The following LRRTM4 variants were observed in gnomAD, a reference collection of about 807,000 sequenced individuals.
LRRTM4 encodes the protein leucine rich repeat transmembrane neuronal 4.
In LRRTM4, 25 loss-of-function variants were observed where a neutral mutation model predicts 47.6. The observed-to-expected ratio is 0.53, with a 90% confidence interval of 0.38 to 0.73. The LOEUF is 0.73. LRRTM4 is among the 30% of genes least tolerant of loss of function. The pLI is 0.00. For synonymous variants in LRRTM4, 311 were observed against 269.5 expected (o/e 1.15, Z -1.51); for missense variants, 638 against 713.4 (o/e 0.89, Z 1.20).
At chr2:77,024,307 G>T (rs1235966456) in intron 3 of LRRTM4, among the ~76,000 whole-genome samples, 1 of 152,088 alleles carries the variant, frequency 6.6e-6, no homozygotes, top group African/African-American at 2.4e-5. Flanking sequence ...TGACTTTTTA[G>T]ATTCCACATG....
At chr2:77,522,021 G>T in intron 1 of LRRTM4, 88 bp downstream of exon 1, 1 of 701,536 alleles carries the variant, frequency 1.4e-6, no homozygotes, top group Non-Finnish European at 2.6e-6. Context: ...GCAGTAATTG[G>T]CAATCTGTGC....
chr2:76,900,303 G>T (rs1673579208), intron 3 of LRRTM4, among the ~76,000 whole-genome samples: 3 of 151,028 alleles, frequency 2.0e-5, no homozygotes, highest in South Asian at 2.1e-4. Context: ...ATAGAGTGTG[G>T]GATACTGATA....
intron 3 of LRRTM4, among the ~76,000 whole-genome samples, chr2:76,769,361 A>C (rs2104106754): frequency 6.6e-6 from 1 of 152,238 alleles, no homozygotes; most frequent in African/African-American, 2.4e-5. Flanking sequence ...GAAGAAATTA[A>C]TTTGGAAGAT....
At chr2:76,870,925 T>G (rs898892909) in intron 3 of LRRTM4, among the ~76,000 whole-genome samples, 37 of 152,100 alleles carry the variant, frequency 2.4e-4, no homozygotes, top group African/African-American at 8.2e-4. Flanking sequence ...AATCCACACT[T>G]TAATCACCCT....
intron 3 of LRRTM4, among the ~76,000 whole-genome samples, chr2:76,927,945 C>A (rs994108478): frequency 3.3e-5 from 5 of 152,042 alleles, no homozygotes; most frequent in African/African-American, 7.2e-5. Context: ...ACTTCAGAAG[C>A]CTTGTTCTTA....
chr2:76,786,619 G>C (rs1674688379), intron 3 of LRRTM4, among the ~76,000 whole-genome samples: 1 of 152,080 alleles, frequency 6.6e-6, no homozygotes, highest in Non-Finnish European at 1.5e-5. Context: ...TAAGAGCAGA[G>C]AGGTAATTTG....
intron 3 of LRRTM4, among the ~76,000 whole-genome samples, chr2:77,417,422 G>T (rs1197318506): frequency 6.6e-6 from 1 of 152,052 alleles, no homozygotes; most frequent in Non-Finnish European, 1.5e-5. Flanking sequence ...AAATCATGCT[G>T]CTATAAAGAC....
At chr2:77,513,144 C>A (rs1310374379) in intron 3 of LRRTM4, among the ~76,000 whole-genome samples, 2 of 152,248 alleles carry the variant, frequency 1.3e-5, no homozygotes, top group Non-Finnish European at 2.9e-5. Context: ...TGGGAGTGTG[C>A]ACTCATGTGC....
At chr2:77,487,590 T>C (rs1196716502) in intron 3 of LRRTM4, among the ~76,000 whole-genome samples, 1 of 152,234 alleles carries the variant, frequency 6.6e-6, no homozygotes, top group East Asian at 1.9e-4. Flanking sequence ...GGTGGGTTGA[T>C]GGCAGCAGGA....
At position 77,084,268 on chromosome 2, in the gene LRRTM4, A is replaced by G. The variant is rs563098991; in HGVS notation, c.1552-335352T>C. ...GTAGTCTTAGATTCCGACACTTGTA[A>G]TATGGGATGTGATGGCTAGGCTAGT... On this transcript the variant is annotated intron_variant, in intron 3 of 3. Coordinates refer to ENST00000409884, the MANE Select transcript of LRRTM4 (RefSeq NM_001134745.3). Among the ~76,000 whole-genome samples the G allele has an allele frequency of 1.4e-4, 21 of 152,272 alleles. 1 individual carries two copies. The South Asian group carries it at 4.1e-3, about 30-fold the overall frequency.
intron 3 of LRRTM4, chr2:77,009,471 A>T (rs1231650943): frequency 6.6e-6 from 1 of 152,078 alleles, no homozygotes; most frequent in Non-Finnish European, 1.5e-5. Context: ...AATTGTATAA[A>T]CTATATCCTT....
At chr2:77,442,258 T>C (rs1675873301) in intron 3 of LRRTM4, among the ~76,000 whole-genome samples, 1 of 152,200 alleles carries the variant, frequency 6.6e-6, no homozygotes, top group African/African-American at 2.4e-5. Flanking sequence ...AAAAATATTA[T>C]GCTATTGGTG....
intron 3 of LRRTM4, among the ~76,000 whole-genome samples, chr2:77,057,820 G>C (rs1466019383): frequency 6.6e-6 from 1 of 152,152 alleles, no homozygotes; most frequent in Non-Finnish European, 1.5e-5. Flanking sequence ...ATTAAGGATA[G>C]ATATGAAGTG....
chr2:77,330,891 G>A (rs1052178159), intron 3 of LRRTM4, among the ~76,000 whole-genome samples: 3 of 152,012 alleles, frequency 2.0e-5, no homozygotes, highest in African/African-American at 7.2e-5. Context: ...CTTAAGTTAT[G>A]GGTATAGAAA....
chr2:77,484,807 G>GT (rs1360392918), intron 3 of LRRTM4, among the ~76,000 whole-genome samples: 3 of 151,476 alleles, frequency 2.0e-5, no homozygotes, highest in Non-Finnish European at 4.4e-5. Flanking sequence ...TTCCTTTATT[G>GT]TTTTTAACAG....
intron 3 of LRRTM4, among the ~76,000 whole-genome samples, chr2:77,276,708 TATATA>T (rs1558664799): frequency 5.6e-5 from 7 of 124,262 alleles, no homozygotes; most frequent in African/African-American, 1.1e-4. Context: ...TATATATATA[TATATA>T]TATATATATA....
rs768339020 is a variant in LRRTM4, at chr2:77,519,623, G to A, written c.246C>T (p.Ala82=). The change falls in exon 3 of 4, where the codon GCC becomes GCT. Residue 82 remains alanine, a synonymous_variant. Transcript: ENST00000409884. This position sits in a 1 kb window ranked among gnomAD's most constrained non-coding sequence, Gnocchi z 4.6. Reference sequence around the variant, plus strand: ...AAAGCCATATAAGCTGGTTAAGGCCGGCAAACTGATTGGATTTGAGCTTCT... The same window carrying A: ...AAAGCCATATAAGCTGGTTAAGGCCAGCAAACTGATTGGATTTGAGCTTCT... ...SIQKLKSNQF[A]GLNQLIWLYL... 2.5e-6 allele frequency: 4 copies of A among 1,613,408 alleles called. No homozygotes were observed. Among genetic ancestry groups the A allele is most frequent in the East Asian group, 2.2e-5 (1 of 44,830 alleles).
chr2:77,217,729 G>T (rs752917593), intron 3 of LRRTM4, among the ~76,000 whole-genome samples: 12 of 151,538 alleles, frequency 7.9e-5, no homozygotes, highest in Non-Finnish European at 1.2e-4. Flanking sequence ...CTTTCTATCT[G>T]CAGTACCTAA....
intron 3 of LRRTM4, among the ~76,000 whole-genome samples, chr2:76,831,735 C>T (rs1027889158): frequency 6.6e-6 from 1 of 152,066 alleles, no homozygotes; most frequent in Non-Finnish European, 1.5e-5. Flanking sequence ...ACACTAATAT[C>T]TCAGATCAAC....
Sources: allele counts gnomAD v4.1 joint callset (sites outside exome capture counted in the v4.1 genomes callset), GRCh38; gene constraint gnomAD v4.1.1; non-coding constraint Gnocchi (gnomAD v3.1); transcripts MANE v1.5; gene names NCBI Gene and HGNC (gene_info 2026-07-23, HGNC 2026-07-21).